SLC14A2: variants seen among roughly 807,000 people sequenced by gnomAD.
SLC14A2 encodes urea transporter 2.
Under a neutral mutation model 104.6 loss-of-function variants are expected in SLC14A2, and 91 were observed. The ratio of observed to expected loss-of-function variants is 0.87; its 90% CI spans 0.73 to 1.04. The LOEUF (loss-of-function observed/expected upper bound fraction) is 1.04. Among genes scored for constraint, SLC14A2 ranks in the 50% least tolerant of loss-of-function variants. The pLI, the probability that SLC14A2 is intolerant of heterozygous loss-of-function variation, is 0.00. For synonymous variants in SLC14A2, 476 were observed against 466.4 expected (o/e 1.02, Z -0.27); for missense variants, 1,189 against 1,156.0 (o/e 1.03, Z -0.41).
chr18:45,382,002 T>C (rs1369744293), intron 1 of SLC14A2, among the ~76,000 whole-genome samples: 1 of 152,150 alleles, frequency 6.6e-6, no homozygotes, highest in Non-Finnish European at 1.5e-5. Context: ...CATTTCCGCT[T>C]AGCACCCTCC....
intron 2 of SLC14A2, among the ~76,000 whole-genome samples, chr18:45,537,954 G>A (rs1432393944): frequency 6.6e-6 from 1 of 152,238 alleles, no homozygotes; most frequent in Non-Finnish European, 1.5e-5. Flanking sequence ...AATAGATGGT[G>A]TTTGTAGGAG....
chr18:45,678,015 T>C (rs917545038), intron 18 of SLC14A2, among the ~76,000 whole-genome samples: 2 of 152,132 alleles, frequency 1.3e-5, no homozygotes, highest in Middle Eastern at 6.3e-3. Context: ...GATGGTATCT[T>C]GCTTTGTTGC....
At chr18:45,444,665 G>A (rs2086734543) in intron 1 of SLC14A2, among the ~76,000 whole-genome samples, 1 of 152,230 alleles carries the variant, frequency 6.6e-6, no homozygotes, top group Non-Finnish European at 1.5e-5. Flanking sequence ...TAAGCAGGAT[G>A]AAACTGGTGA....
intron 2 of SLC14A2, among the ~76,000 whole-genome samples, chr18:45,606,916 T>G (rs1022162264): frequency 6.6e-6 from 1 of 152,300 alleles, no homozygotes; most frequent in Admixed American, 6.5e-5. Context: ...TACGTTGTTT[T>G]TATGTGTCTG....
rs1171526321 is a variant in SLC14A2, at chr18:45,361,724, GCTCGGCTT to G, written c.-124-121497_-124-121490del. On this transcript the variant is annotated intron_variant, in intron 1 of 20. Coordinates refer to the SLC14A2 transcript ENST00000586448. ...AGCCCTCTCCCTCTCGGCCAGGGCT[GCTCGGCTT>G]CTCGGCTTCTCCCTGTTTTACAGTC... Among the ~76,000 whole-genome samples, 5 of 152,308 alleles carry G rather than the reference GCTCGGCTT, an allele frequency of 3.3e-5. No homozygotes were observed. The South Asian group carries it at 1.0e-3, about 32-fold the overall frequency.
intron 1 of SLC14A2, among the ~76,000 whole-genome samples, chr18:45,249,477 GA>G (rs1477199134): frequency 6.6e-6 from 1 of 151,978 alleles, no homozygotes; most frequent in Admixed American, 6.6e-5. Flanking sequence ...ATTCATTTGA[GA>G]AAAGACATAA....
At chr18:45,400,164 A>G (rs934193818) in intron 1 of SLC14A2, among the ~76,000 whole-genome samples, 1 of 152,238 alleles carries the variant, frequency 6.6e-6, no homozygotes, top group Admixed American at 6.5e-5. Context: ...ATCAAGTTAC[A>G]CTAAATGCTC....
At chr18:45,606,395 T>C (rs1872358) in intron 2 of SLC14A2, among the ~76,000 whole-genome samples, 109,716 of 151,324 alleles carry the variant, frequency 0.73, 39,957 homozygotes, top group East Asian at 0.85. Context: ...TGGGGCAGGG[T>C]TGCGGGAGGG....
intron 1 of SLC14A2, among the ~76,000 whole-genome samples, chr18:45,264,346 T>C (rs2084570451): frequency 6.6e-6 from 1 of 152,226 alleles, no homozygotes; most frequent in Non-Finnish European, 1.5e-5. Flanking sequence ...CTACAATATA[T>C]TGCTCCCTCA....
intron 18 of SLC14A2, among the ~76,000 whole-genome samples, chr18:45,674,353 A>G (rs896789222): frequency 1.3e-5 from 2 of 152,196 alleles, no homozygotes; most frequent in African/African-American, 4.8e-5. Flanking sequence ...AACATTATCT[A>G]TATAAACTTA....
intron 1 of SLC14A2, among the ~76,000 whole-genome samples, chr18:45,459,076 T>G (rs2086995264): frequency 6.6e-6 from 1 of 152,206 alleles, no homozygotes; most frequent in Non-Finnish European, 1.5e-5. Flanking sequence ...AGTTTGTCAG[T>G]GCAGGACATC....
At chr18:45,649,651 T>C (rs2045695538) in intron 10 of SLC14A2, among the ~76,000 whole-genome samples, 1 of 152,246 alleles carries the variant, frequency 6.6e-6, no homozygotes, top group South Asian at 2.1e-4. Context: ...GAGAATATGG[T>C]GACATATTCT....
intron 2 of SLC14A2, among the ~76,000 whole-genome samples, chr18:45,588,129 A>T (rs2044595122): frequency 6.6e-6 from 1 of 152,162 alleles, no homozygotes; most frequent in South Asian, 2.1e-4. Flanking sequence ...TCTTCTATGT[A>T]GCTCCAGAGG....
chr18:45,438,169 G>A (rs574796109), intron 1 of SLC14A2: 35 of 152,296 alleles, frequency 2.3e-4, no homozygotes, highest in Middle Eastern at 3.4e-3. Context: ...GGTACTCAGC[G>A]AATATTTGTT....
chr18:45,364,481 A>G (rs1459067801), intron 1 of SLC14A2, among the ~76,000 whole-genome samples: 3 of 152,202 alleles, frequency 2.0e-5, no homozygotes, highest in Non-Finnish European at 4.4e-5. Flanking sequence ...TTGAAGTTAG[A>G]CAAATTATAA....
intron 1 of SLC14A2, among the ~76,000 whole-genome samples, chr18:45,347,798 G>C (rs1775534418): frequency 6.6e-6 from 1 of 152,138 alleles, no homozygotes. Context: ...TGTTGCCACA[G>C]ACACTTCCAG....
At chr18:45,302,245 T>C (rs2084975631) in intron 1 of SLC14A2, among the ~76,000 whole-genome samples, 2 of 152,218 alleles carry the variant, frequency 1.3e-5, no homozygotes, top group African/African-American at 2.4e-5. Flanking sequence ...GGATCTTTAA[T>C]GGGTCAGTTT....
chr18:45,219,227 TC>T (rs2084039176), intron 1 of SLC14A2, among the ~76,000 whole-genome samples: 2 of 152,248 alleles, frequency 1.3e-5, no homozygotes, highest in South Asian at 4.1e-4. Flanking sequence ...GAAGAATTTT[TC>T]TTGCCTGCAT....
At chr18:45,394,608 T>C (rs894539383) in intron 1 of SLC14A2, among the ~76,000 whole-genome samples, 1 of 152,184 alleles carries the variant, frequency 6.6e-6, no homozygotes, top group Non-Finnish European at 1.5e-5. Flanking sequence ...ATTAGTGATA[T>C]GGAGTATATT....
Sources: allele counts gnomAD v4.1 joint callset (sites outside exome capture counted in the v4.1 genomes callset), GRCh38; gene constraint gnomAD v4.1.1; transcripts MANE v1.5; gene names NCBI Gene and HGNC (gene_info 2026-07-23, HGNC 2026-07-21).